The following PHF20 variants were observed in gnomAD, a reference collection of about 807,000 sequenced individuals.
PHF20 encodes PHD finger protein 20, also known as glioma-expressed antigen 2.
Under a neutral mutation model 113.5 loss-of-function variants are expected in PHF20, and 23 were observed. That is an observed-to-expected ratio of 0.20 (90% confidence interval 0.15 to 0.29). The LOEUF is 0.29. Ranked by LOEUF, PHF20 falls within the 10% of genes least tolerant of loss-of-function variation. The pLI is 1.00. For synonymous variants in PHF20, 434 were observed against 457.3 expected (o/e 0.95, Z 0.65); for missense variants, 943 against 1,219.6 (o/e 0.77, Z 3.38).
chr20:35,940,823 G>A (rs1485627346), intron 16 of PHF20, 41 bp from the exon 17 acceptor site: 1 of 1,550,726 alleles, frequency 6.4e-7, no homozygotes, highest in East Asian at 2.3e-5. Flanking sequence ...TGGGCCAGGG[G>A]CTATCTCCAT....
intron 12 of PHF20, among the ~76,000 whole-genome samples, chr20:35,914,958 C>T (rs1400226753): frequency 4.5e-5 from 6 of 133,222 alleles, no homozygotes; most frequent in South Asian, 2.4e-4. Flanking sequence ...AGCCAGACTC[C>T]GTCTCAAAAA....
chr20:35,827,857 GCCTCTTCCTAGTCATT>G lies in PHF20; in HGVS notation c.84-14714_84-14699del, dbSNP rs1216374896. Among the ~76,000 whole-genome samples, 5 of 151,386 alleles carry G rather than the reference GCCTCTTCCTAGTCATT, an allele frequency of 3.3e-5. No homozygotes were observed. The South Asian group carries it at 8.4e-4, about 25-fold the overall frequency. The stretch of plus-strand genomic sequence containing the variant: ...AGATGTAGATATCGATCTTGATTGT[GCCTCTTCCTAGTCATT>G]CTCTTTGAGGCTCCATTTCCATGAA... On this transcript the variant is annotated intron_variant, in intron 2 of 17. Transcript: ENST00000374012.
At chr20:35,791,559 A>ATC (rs1203666369) in intron 1 of PHF20, among the ~76,000 whole-genome samples, 99 of 146,834 alleles carry the variant, frequency 6.7e-4, no homozygotes, top group Non-Finnish European at 1.2e-3. Context: ...ATATATATAT[A>ATC]TATCTTAGAA....
At chr20:35,886,863 G>A (rs1002862970) in intron 9 of PHF20, among the ~76,000 whole-genome samples, 13 of 152,190 alleles carry the variant, frequency 8.5e-5, no homozygotes, top group African/African-American at 2.7e-4. Flanking sequence ...GCCAAGCAGG[G>A]GTGTGAACTG....
chr20:35,891,858 T>C (rs2147039570), intron 9 of PHF20, among the ~76,000 whole-genome samples: 1 of 152,096 alleles, frequency 6.6e-6, no homozygotes, highest in African/African-American at 2.4e-5. Context: ...CTATTTTTTA[T>C]ATATTATTTA....
At chr20:35,818,413 G>A (rs12480901) in intron 2 of PHF20, among the ~76,000 whole-genome samples, 3 of 151,894 alleles carry the variant, frequency 2.0e-5, no homozygotes, top group Admixed American at 6.6e-5. Context: ...GGCATGTGCC[G>A]CCACCCTTGG....
intron 14 of PHF20, among the ~76,000 whole-genome samples, chr20:35,929,080 C>T (rs1293376554): frequency 6.6e-6 from 1 of 152,216 alleles, no homozygotes; most frequent in Admixed American, 6.5e-5. Context: ...TAGAGCTAGA[C>T]AGTGCTTGAG....
At chr20:35,832,948 G>A (rs190335367) in intron 2 of PHF20, among the ~76,000 whole-genome samples, 1,542 of 151,856 alleles carry the variant, frequency 0.01, 67 homozygotes, top group Admixed American at 0.072. Flanking sequence ...CTACTTGGGA[G>A]GTTGAGGCAG....
At chr20:35,812,774 G>A (rs2042000250) in intron 2 of PHF20, among the ~76,000 whole-genome samples, 1 of 152,058 alleles carries the variant, frequency 6.6e-6, no homozygotes, top group African/African-American at 2.4e-5. Context: ...TGTGCAAGTA[G>A]TAGATAATCT....
At chr20:35,815,611 G>A (rs926073178) in intron 2 of PHF20, among the ~76,000 whole-genome samples, 7 of 151,076 alleles carry the variant, frequency 4.6e-5, no homozygotes, top group South Asian at 2.1e-4. Context: ...GACTACAGGC[G>A]CATGCCACCA....
At chr20:35,923,371 C>A (rs913328780) in intron 13 of PHF20, among the ~76,000 whole-genome samples, 1 of 152,058 alleles carries the variant, frequency 6.6e-6, no homozygotes, top group African/African-American at 2.4e-5. Flanking sequence ...AAGGCTGAAG[C>A]GGAAGGATCA....
At chr20:35,833,975 T>C (rs2042396739) in intron 2 of PHF20, among the ~76,000 whole-genome samples, 1 of 151,984 alleles carries the variant, frequency 6.6e-6, no homozygotes, top group South Asian at 2.1e-4. Context: ...GGGGAATTGC[T>C]TGAACCCGGG....
At chr20:35,772,485 G>A (rs1465827069) in intron 1 of PHF20, among the ~76,000 whole-genome samples, 3 of 152,168 alleles carry the variant, frequency 2.0e-5, no homozygotes, top group African/African-American at 7.2e-5. Context: ...TTGCGCTTTG[G>A]GAATATGTTT....
intron 5 of PHF20, among the ~76,000 whole-genome samples, chr20:35,861,045 A>G (rs915831202): frequency 1.3e-5 from 2 of 152,258 alleles, no homozygotes; most frequent in Admixed American, 1.3e-4. Context: ...CACAGGCCCA[A>G]GGCTCCTGGA....
At chr20:35,866,260 C>G (rs1014377492) in intron 6 of PHF20, among the ~76,000 whole-genome samples, 4 of 152,044 alleles carry the variant, frequency 2.6e-5, no homozygotes, top group African/African-American at 7.2e-5. Flanking sequence ...GGCTTGCACT[C>G]TTAGTATATT....
chr20:35,799,291 CAAAA>C (rs35210007), intron 1 of PHF20, among the ~76,000 whole-genome samples: 2 of 21,004 alleles, frequency 9.5e-5, no homozygotes, highest in Non-Finnish European at 2.0e-4. Context: ...ACTCTCTCTG[CAAAA>C]AAAAAAAAAA....
chr20:35,842,009 C>T (rs17345771), intron 2 of PHF20, among the ~76,000 whole-genome samples: 5,886 of 152,182 alleles, frequency 0.039, 220 homozygotes, highest in South Asian at 0.2. Context: ...GTGCTTCTTC[C>T]ACTTTACATG....
At chr20:35,827,151 G>T (rs6060626) in intron 2 of PHF20, among the ~76,000 whole-genome samples, 15,570 of 152,152 alleles carry the variant, frequency 0.1, 826 homozygotes, top group South Asian at 0.15. Context: ...GCCCAGGCTG[G>T]AGTGCAATGG....
chr20:35,816,564 C>T (rs976228344), intron 2 of PHF20, among the ~76,000 whole-genome samples: 1 of 151,716 alleles, frequency 6.6e-6, no homozygotes, highest in Non-Finnish European at 1.5e-5. Flanking sequence ...ATTCTCCAGC[C>T]TCAGCCTCCC....
Sources: allele counts gnomAD v4.1 joint callset (sites outside exome capture counted in the v4.1 genomes callset), GRCh38; gene constraint gnomAD v4.1.1; transcripts MANE v1.5; gene names NCBI Gene and HGNC (gene_info 2026-07-23, HGNC 2026-07-21).